GOLM1: variants seen among roughly 807,000 people sequenced by gnomAD.
GOLM1 encodes the protein golgi membrane protein 1, also known as epididymis luminal protein 46.
GOLM1 carries 31 observed loss-of-function variants against 50.5 expected under a neutral mutation model. The ratio of observed to expected loss-of-function variants is 0.61; its 90% CI spans 0.46 to 0.83. The LOEUF (loss-of-function observed/expected upper bound fraction) is 0.83, where lower values mean the gene tolerates loss of function less well. Ranked by LOEUF, GOLM1 falls within the 40% of genes least tolerant of loss-of-function variation. GOLM1 has a pLI of 0.00. For missense variants in GOLM1, 491 were observed against 501.3 expected (o/e 0.98, Z 0.20); for synonymous variants, 178 against 192.8 (o/e 0.92, Z 0.64).
At chr9:86,038,133 G>A (rs1459735728) in intron 6 of GOLM1, among the ~76,000 whole-genome samples, 3 of 142,362 alleles carry the variant, frequency 2.1e-5, no homozygotes, top group Admixed American at 7.3e-5. Flanking sequence ...CAGCCTGGGC[G>A]ATAAAAGCAA....
At chr9:86,065,628 A>G (rs1420913395) in intron 3 of GOLM1, among the ~76,000 whole-genome samples, 3 of 152,126 alleles carry the variant, frequency 2.0e-5, no homozygotes, top group African/African-American at 7.2e-5. Context: ...CGGCAGCCCC[A>G]CGCCGGCCAC....
intron 3 of GOLM1, among the ~76,000 whole-genome samples, chr9:86,068,327 C>T (rs1005658509): frequency 2.0e-5 from 3 of 152,240 alleles, no homozygotes; most frequent in Non-Finnish European, 4.4e-5. Context: ...TAAAAGTATA[C>T]ATTTTTGTTG....
chr9:86,055,645 G>A (rs1372201352), intron 3 of GOLM1, among the ~76,000 whole-genome samples: 4 of 152,206 alleles, frequency 2.6e-5, no homozygotes, highest in Non-Finnish European at 4.4e-5. Context: ...CTACAACATG[G>A]ATGAATGCAG....
Position 86,089,003 on chromosome 9 carries a change from C to T in GOLM1, c.-21-9662G>A, listed in dbSNP as rs545860215. 1.6e-3 allele frequency among the ~76,000 whole-genome samples: 244 copies of T among 152,208 alleles called. 2 individuals are homozygous for T. Among genetic ancestry groups the T allele is most frequent in the African/African-American group, 5.8e-3 (239 of 41,542 alleles). On this transcript the variant is annotated intron_variant, in intron 1 of 9. Coordinates refer to ENST00000388712, the MANE Select transcript of GOLM1 (RefSeq NM_016548.4). ...ATTTGCTTGTCTGTAAAGGATTTTA[C>T]TTATCCTTCACTTATGAAGCTTAGT...
intron 3 of GOLM1, among the ~76,000 whole-genome samples, chr9:86,063,040 A>G (rs1834206715): frequency 6.6e-6 from 1 of 152,160 alleles, no homozygotes; most frequent in Non-Finnish European, 1.5e-5. Flanking sequence ...GCTGCCCCTC[A>G]GCTCTTCCCG....
chr9:86,035,889 A>AAAAAAAAAAAAC (rs1564340981), intron 7 of GOLM1, among the ~76,000 whole-genome samples: 5 of 150,282 alleles, frequency 3.3e-5, no homozygotes, highest in East Asian at 2.0e-4. Context: ...AAAACAAAAA[A>AAAAAAAAAAAAC]AAAAAAACAC....
At chr9:86,076,297 T>G (rs1435633697) in intron 3 of GOLM1, among the ~76,000 whole-genome samples, 1 of 151,808 alleles carries the variant, frequency 6.6e-6, no homozygotes, top group East Asian at 1.9e-4. Context: ...GGCACATGCC[T>G]GTAGTCCCAG....
Position 86,086,278 on chromosome 9 carries a change from A to G in GOLM1, c.-21-6937T>C, listed in dbSNP as rs143365222. Reference sequence around the variant, plus strand: ...GGCTGCATAAATGTCTTCTTTTGAGAAGTCTCTGTTCATATCCTTCGCCCA... The same window carrying G: ...GGCTGCATAAATGTCTTCTTTTGAGGAGTCTCTGTTCATATCCTTCGCCCA... On this transcript the variant is annotated intron_variant, in intron 1 of 9. Coordinates refer to ENST00000388712, the MANE Select transcript of GOLM1 (RefSeq NM_016548.4). 9.4e-4 allele frequency among the ~76,000 whole-genome samples: 143 copies of G among 152,164 alleles called. 1 individual carries two copies. Among genetic ancestry groups the G allele is most frequent in the African/African-American group, 2.9e-3 (119 of 41,514 alleles).
intron 3 of GOLM1, among the ~76,000 whole-genome samples, chr9:86,074,264 A>G (rs1834541010): frequency 6.6e-6 from 1 of 151,830 alleles, no homozygotes; most frequent in Non-Finnish European, 1.5e-5. Context: ...AAGACAGACA[A>G]TGTATAAAAA....
chr9:86,036,642 A>G lies in GOLM1; in HGVS notation c.598-135T>C, dbSNP rs1000297380. On this transcript the variant is annotated intron_variant, in intron 6 of 9. Transcript: ENST00000388712. Reference sequence around the variant, plus strand: ...CAACCAAGACCCCGAGAAACGCCACAGTCTACTCTGGTCACGCCCTGGTCA... The same window carrying G: ...CAACCAAGACCCCGAGAAACGCCACGGTCTACTCTGGTCACGCCCTGGTCA... 4 of 854,382 alleles carry G rather than the reference A, an allele frequency of 4.7e-6. No homozygotes were observed. The African/African-American group carries it at 6.8e-5, about 15-fold the overall frequency. The allele number at this position is 854,382 out of a possible 1,614,324, so 52.9% of individuals were successfully genotyped here. A position where few individuals can be genotyped will look rare whatever the true frequency, so the allele number is the denominator to read the frequency against.
chr9:86,047,734 C>A (rs1206098268), intron 4 of GOLM1, among the ~76,000 whole-genome samples: 4 of 152,146 alleles, frequency 2.6e-5, no homozygotes, highest in African/African-American at 9.7e-5. Flanking sequence ...CAAGAGATAA[C>A]GGAATACAAC....
intron 3 of GOLM1, among the ~76,000 whole-genome samples, chr9:86,064,013 A>G (rs1312291719): frequency 6.6e-6 from 1 of 152,192 alleles, no homozygotes; most frequent in Non-Finnish European, 1.5e-5. Flanking sequence ...GTCCTGAATC[A>G]AATAGGCATC....
In GOLM1 at chr9:86,040,867, T is replaced by C. The variant is rs1833321898; in HGVS notation, c.469A>G (p.Ser157Gly). ...TCCTTCATCTGATTGATGCACTGGC[T>C]CCTTTGGTGAAAGAAAGCAAAGGAA... Reference protein sequence around the residue: ...NLERKFSYDLSQCINQMKEVK... With the variant: ...NLERKFSYDLGQCINQMKEVK... Residue 157 changes from serine to glycine, a missense_variant and splice_region_variant, in exon 6 of 10, where the codon AGC becomes GGC. Transcript: ENST00000388712. The C allele has an allele frequency of 1.2e-6, 2 of 1,613,370 alleles. No individual in the cohort carries two copies. Among genetic ancestry groups the C allele is most frequent in the Non-Finnish European group, 1.7e-6 (2 of 1,179,762 alleles).
intron 3 of GOLM1, among the ~76,000 whole-genome samples, chr9:86,058,461 CACT>C (rs1374143297): frequency 6.6e-6 from 1 of 152,106 alleles, no homozygotes; most frequent in Non-Finnish European, 1.5e-5. Flanking sequence ...GTAATCCCAG[CACT>C]TTGGGAGGCC....
At chr9:86,048,580 G>A (rs1301282618) in intron 4 of GOLM1, among the ~76,000 whole-genome samples, 2 of 152,184 alleles carry the variant, frequency 1.3e-5, no homozygotes, top group Admixed American at 6.5e-5. Context: ...ACTGCTGTGA[G>A]ATGGTATCTC....
At chr9:86,063,801 C>T (rs986537884) in intron 3 of GOLM1, among the ~76,000 whole-genome samples, 4 of 152,212 alleles carry the variant, frequency 2.6e-5, no homozygotes, top group Admixed American at 2.6e-4. Context: ...AACACGCCAA[C>T]GCTCTTTCTA....
At chr9:86,032,742 A>G (rs570077692) in intron 9 of GOLM1, among the ~76,000 whole-genome samples, 2 of 152,312 alleles carry the variant, frequency 1.3e-5, no homozygotes, top group South Asian at 2.1e-4. Context: ...GGATCAACCA[A>G]TCACCTGTAG....
chr9:86,056,567 G>A (rs1386533915), intron 3 of GOLM1, among the ~76,000 whole-genome samples: 1 of 149,702 alleles, frequency 6.7e-6, no homozygotes, highest in African/African-American at 2.5e-5. Context: ...ATGCAGTGGC[G>A]TGATCTTGGC....
intron 1 of GOLM1, among the ~76,000 whole-genome samples, chr9:86,084,744 A>G (rs747483272): frequency 6.6e-6 from 1 of 152,168 alleles, no homozygotes; most frequent in Non-Finnish European, 1.5e-5. Context: ...TTAAATATTA[A>G]TATTTTAAAA....
Sources: allele counts gnomAD v4.1 joint callset (sites outside exome capture counted in the v4.1 genomes callset), GRCh38; gene constraint gnomAD v4.1.1; transcripts MANE v1.5; gene names NCBI Gene and HGNC (gene_info 2026-07-23, HGNC 2026-07-21).